NFIA: variants seen among roughly 807,000 people sequenced by gnomAD.
NFIA encodes nuclear factor I A.
NFIA carries 8 observed loss-of-function variants against 62.8 expected under a neutral mutation model. The ratio of observed to expected loss-of-function variants is 0.13; its 90% CI spans 0.07 to 0.23. The LOEUF (loss-of-function observed/expected upper bound fraction) is 0.23, where lower values mean the gene tolerates loss of function less well. Among genes scored for constraint, NFIA ranks in the 10% least tolerant of loss-of-function variants. The pLI, the probability that NFIA is intolerant of heterozygous loss-of-function variation, is 1.00. For missense variants in NFIA, 410 were observed against 642.1 expected (o/e 0.64, Z 3.91); for synonymous variants, 235 against 238.1 (o/e 0.99, Z 0.12).
chr1:61,403,825 G>C (rs1665685770), intron 7 of NFIA, among the ~76,000 whole-genome samples: 1 of 152,116 alleles, frequency 6.6e-6, no homozygotes, highest in African/African-American at 2.4e-5. Flanking sequence ...TTAAGGTAAT[G>C]AATAATCTTC....
intron 2 of NFIA, among the ~76,000 whole-genome samples, chr1:61,219,165 GAGGTT>G (rs1653842742): frequency 1.3e-5 from 2 of 151,562 alleles, no homozygotes; most frequent in Non-Finnish European, 2.9e-5. Context: ...CCACAGGGCA[GAGGTT>G]GCAGTAAGCT....
chr1:61,405,478 T>G (rs985744585), intron 8 of NFIA, among the ~76,000 whole-genome samples: 1 of 152,172 alleles, frequency 6.6e-6, no homozygotes, highest in Admixed American at 6.5e-5. Flanking sequence ...TGAGACTGCC[T>G]CTGTAGAATT....
intron 2 of NFIA, among the ~76,000 whole-genome samples, chr1:61,155,679 C>CAAAAAAAAAAAAAA (rs35851988): frequency 9.2e-6 from 1 of 108,670 alleles, no homozygotes; most frequent in Non-Finnish European, 1.8e-5. Context: ...GACTCCATCT[C>CAAAAAAAAAAAAAA]AAAAAAAAAA....
chr1:61,357,031 T>C (rs1267062488), intron 5 of NFIA, among the ~76,000 whole-genome samples: 1 of 152,224 alleles, frequency 6.6e-6, no homozygotes, highest in Admixed American at 6.5e-5. Flanking sequence ...CCTGTTTAGA[T>C]TATTTCGGGG....
intron 4 of NFIA, among the ~76,000 whole-genome samples, chr1:61,341,347 G>A (rs530519732): frequency 4.4e-4 from 67 of 152,062 alleles, no homozygotes; most frequent in African/African-American, 1.5e-3. Context: ...CACTGCACCT[G>A]GCCCATGTAC....
chr1:61,281,349 T>G (rs113414057), intron 3 of NFIA, among the ~76,000 whole-genome samples: 327 of 152,302 alleles, frequency 2.1e-3, no homozygotes, highest in African/African-American at 7.6e-3. Flanking sequence ...CAGTAAGGAC[T>G]CAAAGGAAGG....
chr1:61,214,282 A>G (rs980606747), intron 2 of NFIA, among the ~76,000 whole-genome samples: 1 of 151,902 alleles, frequency 6.6e-6, no homozygotes, highest in Non-Finnish European at 1.5e-5. Context: ...TTGCTTTTCC[A>G]GTTTGGATCA....
chr1:61,433,332 C>A (rs1227173713), intron 10 of NFIA, among the ~76,000 whole-genome samples: 1 of 152,162 alleles, frequency 6.6e-6, no homozygotes, highest in Non-Finnish European at 1.5e-5. Flanking sequence ...AACAGCTAGC[C>A]TTTGTCCAGA....
chr1:61,080,213 G>C (rs1383453947), upstream of NFIA, among the ~76,000 whole-genome samples: 2 of 151,902 alleles, frequency 1.3e-5, no homozygotes, highest in Non-Finnish European at 2.9e-5. Flanking sequence ...GCTGGAAATC[G>C]CGGGGCACAT....
At position 61,462,115 on chromosome 1, in the gene NFIA, G is replaced by C. The variant is rs1668567557; in HGVS notation, c.*6795G>C. 1 of 148,228 alleles carries C rather than the reference G, an allele frequency of 6.7e-6. No individual in the cohort carries two copies. Among genetic ancestry groups the C allele is most frequent in the African/African-American group, 2.5e-5 (1 of 39,922 alleles). The allele number at this position is 148,228 out of a possible 1,614,324, so 9.2% of individuals were successfully genotyped here. ...GGTCATAAGGCCGCTAGCTCCGCTGGGACAGAGGCTTGAGAGAACTAACGG... is the reference window on the plus strand; with the variant it reads ...GGTCATAAGGCCGCTAGCTCCGCTGCGACAGAGGCTTGAGAGAACTAACGG... On this transcript the variant is annotated 3_prime_UTR_variant, in exon 11 of 11. Coordinates refer to ENST00000403491, the MANE Select transcript of NFIA (RefSeq NM_001134673.4).
At chr1:61,260,351 C>T (rs554349761) in intron 2 of NFIA, among the ~76,000 whole-genome samples, 8 of 152,144 alleles carry the variant, frequency 5.3e-5, no homozygotes, top group Non-Finnish European at 7.3e-5. Context: ...CACAGTGTAG[C>T]GATTTGCAGT....
chr1:61,082,942 C>A, intron 1 of NFIA, 124 bp downstream of exon 1: 1 of 613,788 alleles, frequency 1.6e-6, no homozygotes, highest in South Asian at 3.1e-5. Flanking sequence ...CGGTGTGTGT[C>A]TGTGTCTGCG....
intron 2 of NFIA, among the ~76,000 whole-genome samples, chr1:61,111,723 C>T (rs1400155188): frequency 1.3e-5 from 2 of 152,140 alleles, no homozygotes; most frequent in Non-Finnish European, 2.9e-5. Flanking sequence ...GAGCCCCTCT[C>T]ACCTCATTAG....
chr1:61,350,753 T>G (rs1224769447), intron 4 of NFIA, among the ~76,000 whole-genome samples: 1 of 152,206 alleles, frequency 6.6e-6, no homozygotes, highest in Non-Finnish European at 1.5e-5. Context: ...AGAAATCCAG[T>G]AAACATTTTC....
At chr1:61,446,978 C>A (rs1405402073) in intron 10 of NFIA, among the ~76,000 whole-genome samples, 1 of 152,196 alleles carries the variant, frequency 6.6e-6, no homozygotes, top group Non-Finnish European at 1.5e-5. Flanking sequence ...ATTGGGCCAA[C>A]CCCAAGTGTT....
intron 3 of NFIA, among the ~76,000 whole-genome samples, chr1:61,323,015 G>A (rs1660753751): frequency 6.6e-6 from 1 of 152,148 alleles, no homozygotes. Flanking sequence ...ACACAGATTA[G>A]GTGTCTGTAT....
intron 2 of NFIA, among the ~76,000 whole-genome samples, chr1:61,109,303 C>G (rs1646655886): frequency 6.6e-6 from 1 of 151,754 alleles, no homozygotes; most frequent in African/African-American, 2.4e-5. Flanking sequence ...ACGAGAAGTC[C>G]TTTTCCCCCC....
chr1:61,214,193 C>T (rs962986396), intron 2 of NFIA, among the ~76,000 whole-genome samples: 2 of 152,092 alleles, frequency 1.3e-5, no homozygotes, highest in Admixed American at 1.3e-4. Context: ...TCAAGGAGAG[C>T]GGGTTCCATC....
chr1:61,268,600 G>T (rs1190683924), intron 2 of NFIA, among the ~76,000 whole-genome samples: 5 of 152,124 alleles, frequency 3.3e-5, no homozygotes, highest in Non-Finnish European at 7.3e-5. Flanking sequence ...AAAGGTCATA[G>T]CTAAATTGAA....
Sources: allele counts gnomAD v4.1 joint callset (sites outside exome capture counted in the v4.1 genomes callset), GRCh38; gene constraint gnomAD v4.1.1; transcripts MANE v1.5; gene names NCBI Gene and HGNC (gene_info 2026-07-23, HGNC 2026-07-21).